Variants in KHDRBS2 observed in about 807,000 individuals in gnomAD.
The protein encoded by KHDRBS2 is KH RNA binding domain containing, signal transduction associated 2, also known as KH domain-containing, RNA-binding, signal transduction-associated protein 2.
Under a neutral mutation model 44.3 loss-of-function variants are expected in KHDRBS2, and 26 were observed. The ratio of observed to expected loss-of-function variants is 0.59; its 90% CI spans 0.43 to 0.81. The LOEUF is 0.81. Ranked by LOEUF, KHDRBS2 falls within the 40% of genes least tolerant of loss-of-function variation. The pLI is 0.00. For synonymous variants in KHDRBS2, 194 were observed against 151.1 expected, an observed-to-expected ratio of 1.28 and a Z score of -2.08; for missense variants, 476 against 433.1, an observed-to-expected ratio of 1.10 and a Z score of -0.88.
chr6:61,632,130 G>T, the KHDRBS2 span, among the ~76,000 whole-genome samples: 1 of 152,118 alleles, frequency 6.6e-6, no homozygotes, highest in Non-Finnish European at 1.5e-5. Flanking sequence ...TTTCTTAAAA[G>T]AAGATAGGAC....
intron 6 of KHDRBS2, among the ~76,000 whole-genome samples, chr6:61,836,994 T>A (rs1217466986): frequency 6.6e-6 from 1 of 151,956 alleles, no homozygotes; most frequent in Non-Finnish European, 1.5e-5. Context: ...CTGGCAGAAT[T>A]CATTTATCTG....
At chr6:61,640,517 G>T in the KHDRBS2 span, among the ~76,000 whole-genome samples, 1 of 151,894 alleles carries the variant, frequency 6.6e-6, no homozygotes, top group Non-Finnish European at 1.5e-5. Context: ...CTACTCTTTT[G>T]TATACCACAC....
chr6:62,129,497 AC>A (rs1274798305), intron 2 of KHDRBS2, among the ~76,000 whole-genome samples: 1 of 152,152 alleles, frequency 6.6e-6, no homozygotes, highest in African/African-American at 2.4e-5. Flanking sequence ...ATAAAACGGA[AC>A]TTAAGAAGAG....
At chr6:61,847,822 A>T (rs1360697610) in intron 6 of KHDRBS2, among the ~76,000 whole-genome samples, 1 of 152,078 alleles carries the variant, frequency 6.6e-6, no homozygotes, top group Non-Finnish European at 1.5e-5. Context: ...ACTAACATAT[A>T]TAGGTATGTT....
chr6:61,654,833 T>C, the KHDRBS2 span, among the ~76,000 whole-genome samples: 1 of 150,924 alleles, frequency 6.6e-6, no homozygotes, highest in Non-Finnish European at 1.5e-5. Context: ...CAAACTTGAG[T>C]CGTGAGAGGC....
chr6:62,087,221 A>G (rs1314940890), intron 2 of KHDRBS2, among the ~76,000 whole-genome samples: 2 of 152,146 alleles, frequency 1.3e-5, no homozygotes, highest in African/African-American at 2.4e-5. Context: ...AAACAATGAA[A>G]GCATACCAGA....
chr6:61,602,967 CT>C, the KHDRBS2 span, among the ~76,000 whole-genome samples: 1 of 152,136 alleles, frequency 6.6e-6, no homozygotes, highest in Non-Finnish European at 1.5e-5. Flanking sequence ...CCTTCACATC[CT>C]TTCCTTGTAT....
intron 3 of KHDRBS2, among the ~76,000 whole-genome samples, chr6:61,999,810 A>G (rs1366250455): frequency 6.6e-6 from 1 of 152,112 alleles, no homozygotes; most frequent in Non-Finnish European, 1.5e-5. Flanking sequence ...AATGAGTTTG[A>G]GTTTTTATTT....
At chr6:61,719,729 A>C (rs1772058762) in intron 7 of KHDRBS2, among the ~76,000 whole-genome samples, 1 of 152,048 alleles carries the variant, frequency 6.6e-6, no homozygotes, top group Admixed American at 6.6e-5. Flanking sequence ...ACCAGTCATT[A>C]ATGTCATTCA....
At chr6:61,629,223 A>G in the KHDRBS2 span, among the ~76,000 whole-genome samples, 1 of 152,088 alleles carries the variant, frequency 6.6e-6, no homozygotes, top group African/African-American at 2.4e-5. Flanking sequence ...CCAGATAATA[A>G]AGGTTCACTT....
At chr6:62,197,911 C>T (rs1310079300) in intron 1 of KHDRBS2, among the ~76,000 whole-genome samples, 1 of 152,118 alleles carries the variant, frequency 6.6e-6, no homozygotes, top group Non-Finnish European at 1.5e-5. Context: ...TGCAATCAAA[C>T]TACAACTCAG....
intron 6 of KHDRBS2, among the ~76,000 whole-genome samples, chr6:61,873,967 T>C (rs2127307373): frequency 6.6e-6 from 1 of 152,186 alleles, no homozygotes; most frequent in African/African-American, 2.4e-5. Flanking sequence ...TTTTCTAATC[T>C]GTGTACTTTA....
chr6:61,787,190 T>TTG (rs1416674885), intron 6 of KHDRBS2, among the ~76,000 whole-genome samples: 1 of 151,598 alleles, frequency 6.6e-6, no homozygotes, highest in African/African-American at 2.4e-5. Context: ...GATACTTTGT[T>TTG]TTCAACATTT....
intron 2 of KHDRBS2, among the ~76,000 whole-genome samples, chr6:62,048,858 C>A (rs1788336934): frequency 6.6e-6 from 1 of 151,822 alleles, no homozygotes; most frequent in Non-Finnish European, 1.5e-5. Context: ...ATAGAATGCA[C>A]CAAAAACTAT....
At chr6:61,660,162 T>G in the KHDRBS2 span, among the ~76,000 whole-genome samples, 352 of 151,964 alleles carry the variant, frequency 2.3e-3, 2 homozygotes, top group African/African-American at 8.2e-3. Context: ...TTATACACAG[T>G]GTAGTTCGTA....
rs116444589 is a variant in KHDRBS2, at chr6:62,066,420, G to C, written c.220-18426C>G. Among the ~76,000 whole-genome samples, 833 of 151,666 alleles carry C rather than the reference G, an allele frequency of 5.5e-3. 3 individuals are homozygous for C. The highest frequency in any genetic ancestry group is 9.3e-3 in the Non-Finnish European group (629 of 67,728). ...GTAGTCATAAAAGTAACATCTTAAT[G>C]ACAACTGCACTCTAATATTTTAGAA... On this transcript the variant is annotated intron_variant, in intron 2 of 8. Coordinates refer to ENST00000281156, the MANE Select transcript of KHDRBS2 (RefSeq NM_152688.4).
intron 6 of KHDRBS2, among the ~76,000 whole-genome samples, chr6:61,804,612 A>G (rs894784084): frequency 1.2e-4 from 19 of 152,170 alleles, no homozygotes; most frequent in Non-Finnish European, 2.4e-4. Flanking sequence ...AAGCATTTCC[A>G]TACATCCTCT....
chr6:61,981,846 A>G (rs945676123), intron 3 of KHDRBS2, among the ~76,000 whole-genome samples: 2 of 152,132 alleles, frequency 1.3e-5, no homozygotes, highest in African/African-American at 4.8e-5. Context: ...ATTTCCTTAT[A>G]TTTGTATGGG....
At chr6:61,810,629 G>C (rs1259281257) in intron 6 of KHDRBS2, among the ~76,000 whole-genome samples, 1 of 151,940 alleles carries the variant, frequency 6.6e-6, no homozygotes, top group Non-Finnish European at 1.5e-5. Flanking sequence ...AGAGACTTTG[G>C]ATAGATTATC....
Sources: gnomAD v4.1 joint callset for allele counts (sites outside exome capture counted in the v4.1 genomes callset) on GRCh38, gnomAD v4.1.1 for gene constraint, MANE v1.5 for transcripts, NCBI Gene and HGNC (gene_info 2026-07-23, HGNC 2026-07-21) for gene names.